The following RTN4 variants were observed in gnomAD, a reference collection of about 807,000 sequenced individuals.
The protein encoded by RTN4 is reticulon-4.
In RTN4, 32 loss-of-function variants were observed where a neutral mutation model predicts 90.4. That is an observed-to-expected ratio of 0.35 (90% CI 0.27 to 0.48). The LOEUF (loss-of-function observed/expected upper bound fraction) is 0.48, where lower values mean the gene tolerates loss of function less well. Ranked by LOEUF, RTN4 falls within the 20% of genes least tolerant of loss-of-function variation. The probability of loss-of-function intolerance (pLI) is 0.99; values close to 1 mark genes in which losing one functional copy is unlikely to be tolerated. For missense variants in RTN4, 1,706 were observed against 1,430.2 expected (o/e 1.19, Z -3.11); for synonymous variants, 629 against 552.5 (o/e 1.14, Z -1.94).
chr2:55,067,032 C>T (rs562047899), intron 2 of RTN4, among the ~76,000 whole-genome samples: 1 of 152,228 alleles, frequency 6.6e-6, no homozygotes, highest in Non-Finnish European at 1.5e-5. Context: ...TTAATAAACC[C>T]TTTAAAATTG....
At chr2:55,030,747 C>T (rs1452080900) in intron 1 of RTN4, among the ~76,000 whole-genome samples, 1 of 152,162 alleles carries the variant, frequency 6.6e-6, no homozygotes, top group African/African-American at 2.4e-5. Flanking sequence ...TAGGCTTCCT[C>T]AAAGCACGAG....
At chr2:55,068,117 T>A (rs1158471282) in intron 2 of RTN4, among the ~76,000 whole-genome samples, 1 of 152,220 alleles carries the variant, frequency 6.6e-6, no homozygotes, top group Admixed American at 6.5e-5. Context: ...ATGGGAAGAA[T>A]ATTTTAATGA....
chr2:55,108,299 T>C (rs1300042459), intron 1 of RTN4, among the ~76,000 whole-genome samples: 1 of 152,050 alleles, frequency 6.6e-6, no homozygotes, highest in African/African-American at 2.4e-5. Flanking sequence ...TAGGGAAATG[T>C]GATTAAGCAT....
At chr2:55,117,280 A>G (rs962212938), upstream of RTN4, among the ~76,000 whole-genome samples, 1 of 152,222 alleles carries the variant, frequency 6.6e-6, no homozygotes, top group Non-Finnish European at 1.5e-5. Context: ...ACCTGATCCA[A>G]TGTCACACAC....
At chr2:55,129,147 AG>A in the RTN4 span, among the ~76,000 whole-genome samples, 6,469 of 151,456 alleles carry the variant, frequency 0.043, 462 homozygotes, top group African/African-American at 0.14. Flanking sequence ...AGGGGGTGGG[AG>A]GCAAAGGATA....
chr2:54,985,153 C>CTT (rs71769973), intron 4 of RTN4, among the ~76,000 whole-genome samples: 11,917 of 58,058 alleles, frequency 0.21, 3,302 homozygotes, highest in Non-Finnish European at 0.23. Context: ...ATGACTCGGC[C>CTT]TTTTTTTTTT....
intron 1 of RTN4, among the ~76,000 whole-genome samples, chr2:55,030,595 C>A (rs1208875862): frequency 6.6e-6 from 1 of 152,002 alleles, no homozygotes; most frequent in Non-Finnish European, 1.5e-5. Context: ...ATAAGAGTAC[C>A]CACCTAAAAA....
In RTN4 at chr2:55,103,109, G is replaced by GAA. The variant is rs34149411; in HGVS notation, c.-214+9409_-214+9410dup. Among the ~76,000 whole-genome samples, 343 of 110,472 alleles carry GAA rather than the reference G, an allele frequency of 3.1e-3. 3 individuals carry two copies. Among genetic ancestry groups the GAA allele is most frequent in the Non-Finnish European group, 4.6e-3 (250 of 54,798 alleles). The allele number at this position is 110,472 out of a possible 152,430, so 72.5% of individuals were successfully genotyped here. A position where few individuals can be genotyped will look rare whatever the true frequency, so the allele number is the denominator to read the frequency against. On this transcript the variant is annotated intron_variant, in intron 1 of 3. Transcript: ENST00000427710. ...CTCCAGCAACAAGGGCAAAACTCCG[G>GAA]AAAAAAAAAAAAAAAAGGAAGTATA...
At chr2:55,108,169 G>T (rs1667976692) in intron 1 of RTN4, among the ~76,000 whole-genome samples, 1 of 152,038 alleles carries the variant, frequency 6.6e-6, no homozygotes, top group Admixed American at 6.6e-5. Flanking sequence ...TGGCCAGGCT[G>T]GTCTCGAACC....
the RTN4 span, among the ~76,000 whole-genome samples, chr2:55,121,218 G>T: frequency 2.6e-5 from 4 of 152,200 alleles, no homozygotes; most frequent in Admixed American, 1.3e-4. Flanking sequence ...AGTCAGTCCC[G>T]ATCCCTGCTC....
chr2:55,129,988 A>G, the RTN4 span, among the ~76,000 whole-genome samples: 1 of 152,374 alleles, frequency 6.6e-6, no homozygotes, highest in Admixed American at 6.5e-5. Context: ...TTGATCCTAC[A>G]TTCTACTTCT....
intron 1 of RTN4, among the ~76,000 whole-genome samples, chr2:55,104,869 C>T (rs571342174): frequency 5.3e-5 from 8 of 152,080 alleles, no homozygotes; most frequent in South Asian, 2.1e-4. Flanking sequence ...TGCAGTGGTG[C>T]GATCTTGGTT....
chr2:55,045,180 A>G (rs984351717), intron 1 of RTN4, among the ~76,000 whole-genome samples: 4 of 152,244 alleles, frequency 2.6e-5, no homozygotes, highest in Non-Finnish European at 5.9e-5. Context: ...TGTATTTATG[A>G]GCAATATTCA....
intron 3 of RTN4, among the ~76,000 whole-genome samples, chr2:54,999,049 G>A (rs1454969504): frequency 6.6e-6 from 1 of 151,976 alleles, no homozygotes; most frequent in Non-Finnish European, 1.5e-5. Flanking sequence ...TACAACTTTG[G>A]GGGAATGCTT....
intron 3 of RTN4, among the ~76,000 whole-genome samples, chr2:55,001,743 AGATTAG>A (rs1679864573): frequency 6.6e-6 from 1 of 152,214 alleles, no homozygotes; most frequent in African/African-American, 2.4e-5. Flanking sequence ...TCACTTCAAA[AGATTAG>A]GAAGAGCCCC....
At chr2:55,069,938 G>T (rs1173310106) in intron 2 of RTN4, among the ~76,000 whole-genome samples, 1 of 152,152 alleles carries the variant, frequency 6.6e-6, no homozygotes, top group African/African-American at 2.4e-5. Context: ...TGAGAGAAGG[G>T]ATGAAGAATT....
In RTN4 at chr2:55,049,878, G is replaced by C. The variant is rs1301353767; in HGVS notation, c.423C>G (p.Ala141=). The C allele has an allele frequency of 8.3e-6, 11 of 1,320,276 alleles. No individual in the cohort carries two copies. The highest frequency in any genetic ancestry group is 6.7e-6 in the Non-Finnish European group (7 of 1,038,882). The allele number at this position is 1,320,276 out of a possible 1,614,324, so 81.8% of individuals were successfully genotyped here. Residue 141 remains alanine (A), a synonymous_variant, in exon 1 of 9, where the codon GCC becomes GCG. Transcript: ENST00000337526. ...SKLPEDDEPP[A]RPPPPPPASV... The stretch of plus-strand genomic sequence containing the variant: ...TGGCCGGGGGAGGAGGGGGAGGCCG[G>C]GCCGGAGGCTCGTCGTCCTCAGGGA...
Position 55,025,385 on chromosome 2 carries a change from TC to T in RTN4, c.2713del (p.Asp905MetfsTer17). On this transcript the variant is annotated frameshift_variant, in exon 3 of 9. Transcript: ENST00000337526. LOFTEE classifies it high-confidence loss of function. ...SHKSEIANAP[D>X]GAGSLPCTEL... ...TGTGCAAGGCAATGACCCAGCTCCA[TC>T]CGGGGCATTAGCAATTTCACTTTTG... The T allele has an allele frequency of 1.2e-6, 2 of 1,613,950 alleles. No individual in the cohort carries two copies. The highest frequency in any genetic ancestry group is 1.7e-6 in the Non-Finnish European group (2 of 1,179,884).
intron 1 of RTN4, among the ~76,000 whole-genome samples, chr2:55,098,334 T>C (rs1298101920): frequency 6.6e-6 from 1 of 152,276 alleles, no homozygotes; most frequent in African/African-American, 2.4e-5. Context: ...GTGTATACTT[T>C]ATGCAACCTA....
Sources: allele counts gnomAD v4.1 joint callset (sites outside exome capture counted in the v4.1 genomes callset), GRCh38; gene constraint gnomAD v4.1.1; transcripts MANE v1.5; gene names NCBI Gene and HGNC (gene_info 2026-07-23, HGNC 2026-07-21).